TMEM37: variants seen among roughly 807,000 people sequenced by gnomAD.
The protein encoded by TMEM37 is voltage-dependent calcium channel gamma-like subunit.
In TMEM37, 12 loss-of-function variants were observed where a neutral mutation model predicts 11.0. The observed-to-expected ratio is 1.09, with a 90% CI of 0.70 to 1.76. The LOEUF is 1.76. Among genes scored for constraint, TMEM37 ranks in the 40% most tolerant of loss-of-function variants. TMEM37 has a pLI of 0.00. For synonymous variants in TMEM37, 127 were observed against 110.5 expected (o/e 1.15, Z -0.94); for missense variants, 203 against 251.2 (o/e 0.81, Z 1.30).
upstream of TMEM37, among the ~76,000 whole-genome samples, chr2:119,430,771 T>C (rs917274969): frequency 2.6e-5 from 4 of 152,168 alleles, no homozygotes; most frequent in East Asian, 1.9e-4. Context: ...CTGTTGGAAT[T>C]TGTGGCCCTT....
upstream of TMEM37, among the ~76,000 whole-genome samples, chr2:119,431,612 G>C (rs1682394679): frequency 6.6e-6 from 1 of 152,164 alleles, no homozygotes; most frequent in African/African-American, 2.4e-5. Context: ...GTGACTTCCC[G>C]ATCCTTTCCC....
chr2:119,433,712 T>G (rs1201557492), intron 1 of TMEM37, among the ~76,000 whole-genome samples: 1 of 152,110 alleles, frequency 6.6e-6, no homozygotes, highest in African/African-American at 2.4e-5. Context: ...TCCAGAGAGA[T>G]TTAAGTGATT....
At chr2:119,431,637 A>AT (rs1288566725), upstream of TMEM37, among the ~76,000 whole-genome samples, 2 of 148,774 alleles carry the variant, frequency 1.3e-5, no homozygotes, top group African/African-American at 4.8e-5. Context: ...GACCCGAGGG[A>AT]TCCCTCCCCC....
chr2:119,433,345 C>G (rs1215170212), intron 1 of TMEM37, among the ~76,000 whole-genome samples: 8 of 152,222 alleles, frequency 5.3e-5, no homozygotes, highest in Non-Finnish European at 8.8e-5. Flanking sequence ...AGCGGTGGGC[C>G]AGGCTGCAGC....
upstream of TMEM37, among the ~76,000 whole-genome samples, chr2:119,431,441 C>G (rs910464162): frequency 6.6e-6 from 1 of 152,214 alleles, no homozygotes; most frequent in Non-Finnish European, 1.5e-5. Flanking sequence ...GGCAGCAGAG[C>G]CTCTGCGCCT....
chr2:119,437,370 C>G lies in TMEM37; in HGVS notation c.503C>G (p.Ala168Gly). 1.2e-6 allele frequency: 2 copies of G among 1,614,274 alleles called. No homozygotes were observed. The highest frequency in any genetic ancestry group is 1.7e-6 in the Non-Finnish European group (2 of 1,180,050). ...CTAATGTTTTGGTGCGAATTCACTG[C>G]CTCCTTCCTCCTCTTCCTGAACGCC... ...FTLMFWCEFT[A>G]SFLLFLNAIS... Residue 168 changes from alanine (A) to glycine (G), a missense_variant, in exon 2 of 2, where the codon GCC becomes GGC. Physicochemically the swap from Ala to Gly is moderately conservative, Grantham distance 60. Coordinates refer to ENST00000306406, the MANE Select transcript of TMEM37 (RefSeq NM_183240.3).
chr2:119,431,578 C>A (rs1437861472), upstream of TMEM37, among the ~76,000 whole-genome samples: 1 of 152,254 alleles, frequency 6.6e-6, no homozygotes, highest in East Asian at 1.9e-4. Context: ...GCGAAGCTGT[C>A]CTCGGAGGTT....
At chr2:119,432,680 T>C (rs1682428321) in intron 1 of TMEM37, among the ~76,000 whole-genome samples, 1 of 152,170 alleles carries the variant, frequency 6.6e-6, no homozygotes, top group Non-Finnish European at 1.5e-5. Context: ...GCAGAGTCTA[T>C]CCGCTGGACT....
intron 1 of TMEM37, among the ~76,000 whole-genome samples, chr2:119,433,022 G>A (rs767484059): frequency 6.6e-6 from 1 of 152,238 alleles, no homozygotes; most frequent in Non-Finnish European, 1.5e-5. Flanking sequence ...GGGATGTCTG[G>A]AATCCCGGCC....
chr2:119,431,611 C>T (rs1424601709), upstream of TMEM37, among the ~76,000 whole-genome samples: 1 of 152,202 alleles, frequency 6.6e-6, no homozygotes, highest in Admixed American at 6.5e-5. Context: ...AGTGACTTCC[C>T]GATCCTTTCC....
intron 1 of TMEM37, among the ~76,000 whole-genome samples, chr2:119,434,188 C>T (rs538429436): frequency 6.6e-6 from 1 of 152,138 alleles, no homozygotes; most frequent in Admixed American, 6.5e-5. Context: ...CATGCTGTCT[C>T]GGGTTAAAAG....
upstream of TMEM37, chr2:119,431,743 G>A: frequency 3.6e-6 from 2 of 560,448 alleles, no homozygotes; most frequent in Non-Finnish European, 5.2e-6. Context: ...CGGGGTTGGC[G>A]GAGCCCGCCC....
chr2:119,430,044 G>A, upstream of TMEM37: 1 of 1,384,644 alleles, frequency 7.2e-7, no homozygotes, highest in Non-Finnish European at 1.0e-6. Flanking sequence ...TTAGGGCTCA[G>A]TGAAAGGATA....
At chr2:119,433,718 T>G (rs1484420909) in intron 1 of TMEM37, among the ~76,000 whole-genome samples, 4 of 152,062 alleles carry the variant, frequency 2.6e-5, no homozygotes, top group Non-Finnish European at 4.4e-5. Flanking sequence ...GAGATTTAAG[T>G]GATTGCCTAA....
chr2:119,437,202 C>T lies in TMEM37; in HGVS notation c.335C>T (p.Ser112Phe). 6.2e-7 allele frequency: 1 copy of T among 1,614,230 alleles called. No homozygotes were observed. Among genetic ancestry groups the T allele is most frequent in the Non-Finnish European group, 8.5e-7 (1 of 1,180,050 alleles). Residue 112 changes from serine to phenylalanine, a missense_variant, in exon 2 of 2, where the codon TCC becomes TTC. By Grantham distance (155) the Ser-to-Phe change is radical. Transcript: ENST00000306406. ...AIFGLEFLMV[S>F]QLCEDKHSQC... ...TTTGGCCTGGAGTTCCTCATGGTGT[C>T]CCAGTTGTGCGAGGACAAACACTCA...
At chr2:119,436,797 C>A in intron 1 of TMEM37, 92 bp from the exon 2 acceptor site, 1 of 1,017,312 alleles carries the variant, frequency 9.8e-7, no homozygotes, top group Non-Finnish European at 1.5e-6. Flanking sequence ...CAGTGCGGAG[C>A]AGGATGGAGG....
chr2:119,436,789 G>A, intron 1 of TMEM37, 100 bp from the exon 2 acceptor site: 1 of 956,996 alleles, frequency 1.0e-6, no homozygotes, highest in Non-Finnish European at 1.6e-6. Context: ...GAATAAGACA[G>A]TGCGGAGCAG....
chr2:119,433,413 C>T (rs1186805994), intron 1 of TMEM37, among the ~76,000 whole-genome samples: 1 of 152,108 alleles, frequency 6.6e-6, no homozygotes, highest in East Asian at 1.9e-4. Context: ...AGGATGTTGA[C>T]GATGGTGATG....
intron 1 of TMEM37, 140 bp downstream of exon 1, chr2:119,432,064 C>A: frequency 5.7e-6 from 3 of 529,786 alleles, no homozygotes; most frequent in Non-Finnish European, 8.5e-6. Context: ...GTGCCCGCCC[C>A]CTGTTGCAAA....
Sources: gnomAD v4.1 joint callset for allele counts (sites outside exome capture counted in the v4.1 genomes callset) on GRCh38, gnomAD v4.1.1 for gene constraint, MANE v1.5 for transcripts, NCBI Gene and HGNC (gene_info 2026-07-23, HGNC 2026-07-21) for gene names.